Variants in SUGP2 observed in about 807,000 individuals in gnomAD.
The protein encoded by SUGP2 is SURP and G-patch domain containing 2.
A neutral mutation model predicts 90.5 loss-of-function variants in SUGP2; 24 were observed. That is an observed-to-expected ratio of 0.27 (90% CI 0.19 to 0.37). The LOEUF is 0.37. Among genes scored for constraint, SUGP2 ranks in the 10% least tolerant of loss-of-function variants. SUGP2 has a pLI of 1.00. For synonymous variants in SUGP2, 473 were observed against 513.4 expected, an observed-to-expected ratio of 0.92 and a Z score of 1.06; for missense variants, 1,233 against 1,363.3, an observed-to-expected ratio of 0.90 and a Z score of 1.51.
chr19:19,005,528 C>T (rs1259912445), intron 6 of SUGP2, among the ~76,000 whole-genome samples: 1 of 152,048 alleles, frequency 6.6e-6, no homozygotes, highest in East Asian at 1.9e-4. Context: ...TAGAGTTAAA[C>T]AGCATAGTAG....
chr19:19,023,558 CTG>C (rs2058808612), intron 3 of SUGP2, among the ~76,000 whole-genome samples: 1 of 152,254 alleles, frequency 6.6e-6, no homozygotes, highest in South Asian at 2.1e-4. Context: ...AGACAGTGCT[CTG>C]TGTCTTTTCT....
chr19:19,017,022 T>C (rs1274885344), intron 4 of SUGP2, among the ~76,000 whole-genome samples: 7 of 152,168 alleles, frequency 4.6e-5, no homozygotes, highest in Admixed American at 4.6e-4. Context: ...CATGGAAATG[T>C]ATGCCTTTCA....
In SUGP2 at chr19:19,006,941, T is replaced by G. The variant is rs191385236; in HGVS notation, c.2450+1376A>C. On this transcript the variant is annotated intron_variant, in intron 6 of 10. Coordinates refer to ENST00000452918, the MANE Select transcript of SUGP2 (RefSeq NM_001017392.5). The stretch of plus-strand genomic sequence containing the variant: ...TATGTTCTGTCACCACTGAATCCCA[T>G]AAATGCTCTGAGAAATGCACGTTTT... Among the ~76,000 whole-genome samples, 4 of 152,314 alleles carry G rather than the reference T, an allele frequency of 2.6e-5. No homozygotes were observed. In the East Asian group the frequency reaches 7.7e-4, roughly 29 times the overall value.
chr19:19,006,702 AC>A (rs568558259), intron 6 of SUGP2, among the ~76,000 whole-genome samples: 17 of 151,940 alleles, frequency 1.1e-4, no homozygotes, highest in Non-Finnish European at 1.9e-4. Flanking sequence ...GACAGGTCCG[AC>A]CCCGAGGTCT....
At chr19:19,033,544 G>A, upstream of SUGP2, 1 of 1,291,702 alleles carries the variant, frequency 7.7e-7, no homozygotes, top group Non-Finnish European at 9.8e-7. Flanking sequence ...GGTCTCCGCA[G>A]CGCCGCGCCG....
chr19:19,010,049 C>A lies in SUGP2; in HGVS notation c.2144G>T (p.Arg715Leu), dbSNP rs759499277. ...TGCCTGTGAGAGGCCTGGAGCCTGC[C>A]GGCCGTGGTGTTTCAGCCTGGTGCC... ...SSGTRLKHHG[R>L]QAPGLSQAKP... The change falls in exon 5 of 11, where the codon CGG (arginine) becomes CTG (leucine). Residue 715 changes from arginine to leucine, a missense_variant. By Grantham distance (102) the Arg-to-Leu change is moderately radical. Coordinates refer to ENST00000452918, the MANE Select transcript of SUGP2 (RefSeq NM_001017392.5). 2 of 1,613,464 alleles carry A rather than the reference C, an allele frequency of 1.2e-6. No homozygotes were observed. The highest frequency in any genetic ancestry group is 1.7e-5 in the Admixed American group (1 of 59,866).
chr19:19,026,446 T>C (rs2058936446), intron 2 of SUGP2, among the ~76,000 whole-genome samples: 1 of 152,184 alleles, frequency 6.6e-6, no homozygotes, highest in Non-Finnish European at 1.5e-5. Flanking sequence ...AGAAGACCTA[T>C]AAGCACCAAG....
chr19:19,021,757 C>T (rs1265727186), intron 3 of SUGP2, among the ~76,000 whole-genome samples: 3 of 151,634 alleles, frequency 2.0e-5, no homozygotes, highest in Non-Finnish European at 4.4e-5. Context: ...ACCTCCACTT[C>T]CCAAGTTCAA....
intron 8 of SUGP2, among the ~76,000 whole-genome samples, chr19:18,998,548 G>A (rs1180846130): frequency 6.6e-6 from 1 of 152,318 alleles, no homozygotes; most frequent in Middle Eastern, 3.4e-3. Context: ...CTCTTCAGAG[G>A]CATCTCCGAG....
At position 19,024,696 on chromosome 19, in the gene SUGP2, G is replaced by A. The variant is rs773769307; in HGVS notation, c.1652C>T (p.Pro551Leu). Residue 551 changes from proline (P) to leucine (L), a missense_variant, in exon 3 of 11, where the codon CCG becomes CTG. Physicochemically the swap from Pro to Leu is moderately conservative, Grantham distance 98. This residue lies in a region of SUGP2 where 540 missense variants were observed against 542.6 expected (regional missense o/e 1.00). Transcript: ENST00000452918. ...PLQVKKAEPE[P>L]MREEEKMIPP... ...AATCATTTTCTCCTCCTCTCGCATC[G>A]GCTCTGGTTCGGCTTTCTTAACCTG... 6 of 1,614,148 alleles carry A rather than the reference G, an allele frequency of 3.7e-6. No individual in the cohort carries two copies. The highest frequency in any genetic ancestry group is 3.3e-5 in the Admixed American group (2 of 60,010).
At chr19:19,016,330 C>T (rs1169502450) in intron 4 of SUGP2, among the ~76,000 whole-genome samples, 1 of 152,092 alleles carries the variant, frequency 6.6e-6, no homozygotes, top group Non-Finnish European at 1.5e-5. Flanking sequence ...ATTTTGTACC[C>T]TGCCCTGCCC....
In SUGP2 at chr19:19,007,755, C is replaced by CTTTTTTT. The variant is rs34670209; in HGVS notation, c.2450+555_2450+561dup. 1.6e-4 allele frequency among the ~76,000 whole-genome samples: 18 copies of CTTTTTTT among 113,434 alleles called. 6 individuals are homozygous for CTTTTTTT. The highest frequency in any genetic ancestry group is 2.0e-4 in the Non-Finnish European group (11 of 55,490). The allele number at this position is 113,434 out of a possible 152,430, so 74.4% of individuals were successfully genotyped here. ...ACAAGCATGAGCCATTGCACCTAGCCTTTTTTTTTTTTTTTTTTTTTGGAG... is the reference window on the plus strand; with the variant it reads ...ACAAGCATGAGCCATTGCACCTAGCCTTTTTTTTTTTTTTTTTTTTTTTTTTTTGGAG... On this transcript the variant is annotated intron_variant, in intron 6 of 10. Transcript: ENST00000452918.
chr19:19,029,836 G>A (rs533995918), intron 2 of SUGP2, among the ~76,000 whole-genome samples: 3 of 152,024 alleles, frequency 2.0e-5, no homozygotes, highest in South Asian at 2.1e-4. Context: ...TCAGCTACTC[G>A]GGAGGCTGAG....
chr19:19,030,806 A>T, intron 2 of SUGP2, 145 bp downstream of exon 2: 1 of 1,038,322 alleles, frequency 9.6e-7, no homozygotes, highest in South Asian at 1.7e-5. Context: ...CCAAACCAAA[A>T]TAAAAACCTT....
intron 5 of SUGP2, among the ~76,000 whole-genome samples, 157 bp downstream of exon 5, chr19:19,009,686 AAGAAAGCAAGAG>A (rs2058227841): frequency 6.6e-6 from 1 of 152,220 alleles, no homozygotes; most frequent in South Asian, 2.1e-4. Context: ...CAGCTCTCTC[AAGAAAGCAAGAG>A]AGAAAGCGCC....
chr19:19,030,474 A>G (rs1369932427), intron 2 of SUGP2, among the ~76,000 whole-genome samples: 1 of 152,196 alleles, frequency 6.6e-6, no homozygotes, highest in Non-Finnish European at 1.5e-5. Context: ...AGATCCCTCC[A>G]TTGCCCTCCA....
intron 2 of SUGP2, among the ~76,000 whole-genome samples, chr19:19,027,430 G>A (rs369491672): frequency 4.6e-5 from 7 of 152,338 alleles, no homozygotes; most frequent in South Asian, 2.1e-4. Flanking sequence ...CCTACTGTGC[G>A]CAAGCACTGT....
chr19:18,994,717 T>G, intron 9 of SUGP2: 1 of 577,096 alleles, frequency 1.7e-6, no homozygotes, highest in Non-Finnish European at 3.0e-6. Flanking sequence ...TCGGAATGCC[T>G]TACCCAGCAG....
chr19:19,004,677 C>T (rs758113792), intron 6 of SUGP2, 31 bp from the exon 7 acceptor site: 1 of 1,498,368 alleles, frequency 6.7e-7, no homozygotes, highest in Middle Eastern at 1.8e-4. Context: ...ATTGGGTAAC[C>T]AGATGGAATC....
Sources: allele counts gnomAD v4.1 joint callset (sites outside exome capture counted in the v4.1 genomes callset), GRCh38; gene constraint gnomAD v4.1.1; regional missense constraint gnomAD v4.1.1; transcripts MANE v1.5; gene names NCBI Gene and HGNC (gene_info 2026-07-23, HGNC 2026-07-21).